Variants in SIL1 observed in about 807,000 individuals in gnomAD.
SIL1 encodes the protein nucleotide exchange factor SIL1.
SIL1 carries 40 observed loss-of-function variants against 49.1 expected under a neutral mutation model. The observed-to-expected ratio is 0.81, with a 90% CI of 0.63 to 1.06. The LOEUF is 1.06. SIL1 is among the 50% of genes least tolerant of loss of function. SIL1 has a pLI of 0.00. For synonymous variants in SIL1, 253 were observed against 250.8 expected (o/e 1.01, Z -0.08); for missense variants, 500 against 572.6 (o/e 0.87, Z 1.29).
In SIL1 at chr5:139,122,466, A is replaced by G. The variant is rs536906246; in HGVS notation, c.106-1293T>C. Among the ~76,000 whole-genome samples the G allele has an allele frequency of 6.6e-5, 10 of 151,894 alleles. No individual in the cohort carries two copies. The South Asian group carries it at 1.9e-3, about 28-fold the overall frequency. On this transcript the variant is annotated intron_variant, in intron 2 of 9. Coordinates refer to ENST00000394817, the MANE Select transcript of SIL1 (RefSeq NM_022464.5). ...AAAAATTAGCCAGGTGTGGTGGTGT[A>G]TGTCTGTAGTCCCAGCTACTTGGGC... is the stretch of plus-strand genomic sequence containing the variant.
At chr5:139,033,206 A>C (rs1768830835) in intron 5 of SIL1, among the ~76,000 whole-genome samples, 1 of 151,824 alleles carries the variant, frequency 6.6e-6, no homozygotes, top group Non-Finnish European at 1.5e-5. Context: ...TATTAGCCAG[A>C]CTGGTCTCGA....
chr5:139,175,554 C>T (rs1751863764), intron 1 of SIL1, among the ~76,000 whole-genome samples: 1 of 152,224 alleles, frequency 6.6e-6, no homozygotes. Flanking sequence ...ATTTAAAGAA[C>T]TAACATCAAT....
At chr5:139,113,493 T>C (rs1476181134) in intron 3 of SIL1, among the ~76,000 whole-genome samples, 1 of 151,136 alleles carries the variant, frequency 6.6e-6, no homozygotes, top group African/African-American at 2.4e-5. Flanking sequence ...CAAGCAGATA[T>C]ACTCTCACTT....
intron 1 of SIL1, among the ~76,000 whole-genome samples, chr5:139,187,116 T>C (rs978206146): frequency 3.3e-5 from 5 of 152,100 alleles, no homozygotes; most frequent in Non-Finnish European, 5.9e-5. Context: ...GAGACAAACA[T>C]CATACCATAA....
intron 1 of SIL1, among the ~76,000 whole-genome samples, chr5:139,191,003 GAGCAGATTACCTGATGTC>G (rs1752156702): frequency 6.6e-6 from 1 of 151,930 alleles, no homozygotes; most frequent in Non-Finnish European, 1.5e-5. Context: ...AGACCGGGGT[GAGCAGATTACCTGATGTC>G]AGGAGTTCAA....
intron 4 of SIL1, among the ~76,000 whole-genome samples, chr5:139,045,931 G>A (rs1249228564): frequency 2.6e-5 from 4 of 152,154 alleles, no homozygotes; most frequent in African/African-American, 9.7e-5. Context: ...CCACCATTAT[G>A]TCCTACCTGA....
chr5:139,191,199 G>T (rs1581162000), intron 1 of SIL1, among the ~76,000 whole-genome samples: 2 of 139,720 alleles, frequency 1.4e-5, no homozygotes, highest in South Asian at 4.7e-4. Flanking sequence ...ACTCACACCT[G>T]GGTGACAGTG....
intron 3 of SIL1, among the ~76,000 whole-genome samples, chr5:139,104,400 C>T (rs139850637): frequency 2.0e-5 from 3 of 152,210 alleles, no homozygotes; most frequent in African/African-American, 7.2e-5. Context: ...GCCTCTGATT[C>T]CCCAAAGTCC....
chr5:139,145,910 A>T lies in SIL1; in HGVS notation c.-10-18057T>A, dbSNP rs539622171. 5.4e-4 allele frequency among the ~76,000 whole-genome samples: 82 copies of T among 151,774 alleles called. 1 individual carries two copies. The highest frequency in any genetic ancestry group is 1.0e-3 in the Admixed American group (16 of 15,244). ...CTCTATCTCTTAAAAAATAAATAAA[A>T]AAAAAAATAAAGAGGCATCATAATG... is the stretch of plus-strand genomic sequence containing the variant. On this transcript the variant is annotated intron_variant, in intron 1 of 9. Coordinates refer to ENST00000394817, the MANE Select transcript of SIL1 (RefSeq NM_022464.5).
intron 4 of SIL1, 47 bp from the exon 5 acceptor site, chr5:139,042,766 G>C (rs1238885649): frequency 1.3e-6 from 2 of 1,548,622 alleles, no homozygotes; most frequent in Non-Finnish European, 1.8e-6. Context: ...GGCTAGGCTT[G>C]GTGGCTCACA....
At chr5:139,050,848 AG>A (rs1343508862) in intron 4 of SIL1, 89 bp downstream of exon 4, 4 of 1,083,682 alleles carry the variant, frequency 3.7e-6, no homozygotes, top group African/African-American at 1.6e-5. Flanking sequence ...AATTAAAAAA[AG>A]CCACATGAAT....
Position 138,999,723 on chromosome 5 carries a change from C to T in SIL1, c.767+21448G>A, listed in dbSNP as rs34035808. 5.6e-3 allele frequency among the ~76,000 whole-genome samples: 856 copies of T among 152,220 alleles called. 12 individuals carry two copies. Among genetic ancestry groups the T allele is most frequent in the South Asian group, 0.025 (123 of 4,826 alleles). ...TTATATACTGCCATTTTACTGAAAT[C>T]GTTTATCAGTTCTAACAGTTTTTTT... On this transcript the variant is annotated intron_variant, in intron 7 of 9. Coordinates refer to ENST00000394817, the MANE Select transcript of SIL1 (RefSeq NM_022464.5).
At chr5:139,058,144 C>T (rs1349034134) in intron 3 of SIL1, among the ~76,000 whole-genome samples, 1 of 152,118 alleles carries the variant, frequency 6.6e-6, no homozygotes, top group Non-Finnish European at 1.5e-5. Context: ...AAACATTGTG[C>T]TAAGTGAAAG....
intron 7 of SIL1, among the ~76,000 whole-genome samples, chr5:138,998,495 G>A (rs1219502425): frequency 6.6e-6 from 1 of 152,140 alleles, no homozygotes; most frequent in African/African-American, 2.4e-5. Context: ...AAAGAAAAGA[G>A]GTTTTATTTT....
At chr5:139,122,319 A>G (rs1367142714) in intron 2 of SIL1, among the ~76,000 whole-genome samples, 5 of 152,174 alleles carry the variant, frequency 3.3e-5, no homozygotes, top group Admixed American at 1.3e-4. Flanking sequence ...TCAGCCAGGC[A>G]TGGTGGCTCA....
At chr5:139,036,548 AAC>A (rs1284790416) in intron 5 of SIL1, among the ~76,000 whole-genome samples, 2 of 152,234 alleles carry the variant, frequency 1.3e-5, no homozygotes, top group East Asian at 3.8e-4. Context: ...CCCTTCAAGA[AAC>A]ATGGATGGAG....
At chr5:139,131,643 C>G (rs996210202) in intron 1 of SIL1, 1 of 152,218 alleles carries the variant, frequency 6.6e-6, no homozygotes, top group Non-Finnish European at 1.5e-5. Flanking sequence ...CTGAGTGCCA[C>G]GAGAGCTTCC....
chr5:139,030,072 C>T (rs1473168414), intron 5 of SIL1, among the ~76,000 whole-genome samples: 1 of 151,848 alleles, frequency 6.6e-6, no homozygotes, highest in Admixed American at 6.6e-5. Flanking sequence ...AATCTCAGCA[C>T]TTTGGGAAGC....
At chr5:139,030,183 G>C (rs1366748392) in intron 5 of SIL1, among the ~76,000 whole-genome samples, 1 of 151,904 alleles carries the variant, frequency 6.6e-6, no homozygotes, top group Non-Finnish European at 1.5e-5. Flanking sequence ...TGAATTTTTT[G>C]GCCAGGCGCA....
Sources: gnomAD v4.1 joint callset for allele counts (sites outside exome capture counted in the v4.1 genomes callset) on GRCh38, gnomAD v4.1.1 for gene constraint, MANE v1.5 for transcripts, NCBI Gene and HGNC (gene_info 2026-07-23, HGNC 2026-07-21) for gene names.